The following CDH18 variants were observed in gnomAD, a reference collection of about 807,000 sequenced individuals.
The protein encoded by CDH18 is cadherin 18, also known as cadherin-18.
In CDH18, 31 loss-of-function variants were observed where a neutral mutation model predicts 67.9. The ratio of observed to expected loss-of-function variants is 0.46; its 90% CI spans 0.34 to 0.62. The LOEUF (loss-of-function observed/expected upper bound fraction) is 0.62, where lower values mean the gene tolerates loss of function less well. CDH18 is among the 20% of genes least tolerant of loss of function. The pLI is 0.01. For missense variants in CDH18, 890 were observed against 975.5 expected, an observed-to-expected ratio of 0.91 and a Z score of 1.17; for synonymous variants, 362 against 347.2, an observed-to-expected ratio of 1.04 and a Z score of -0.48.
chr5:20,323,626 G>A (rs933527320), intron 1 of CDH18, among the ~76,000 whole-genome samples: 9 of 152,108 alleles, frequency 5.9e-5, no homozygotes, highest in African/African-American at 2.2e-4. Context: ...GTGGCTTTCT[G>A]GTATACATCA....
chr5:20,123,813 G>A (rs1047494151), intron 2 of CDH18, among the ~76,000 whole-genome samples: 3 of 150,932 alleles, frequency 2.0e-5, no homozygotes, highest in African/African-American at 4.9e-5. Flanking sequence ...GCATGAACCC[G>A]GAGGCGGAGC....
At chr5:20,260,834 A>C (rs913969808) in intron 1 of CDH18, among the ~76,000 whole-genome samples, 2 of 152,198 alleles carry the variant, frequency 1.3e-5, no homozygotes, top group African/African-American at 2.4e-5. Context: ...GCTAATAGCC[A>C]GCAGAAGATG....
chr5:20,336,809 G>A (rs1472920503), intron 1 of CDH18, among the ~76,000 whole-genome samples: 1 of 147,820 alleles, frequency 6.8e-6, no homozygotes, highest in South Asian at 2.2e-4. Context: ...TAACTTAGGT[G>A]CAGCCACAAT....
intron 3 of CDH18, among the ~76,000 whole-genome samples, chr5:19,804,311 A>AT (rs200413815): frequency 0.085 from 12,788 of 151,236 alleles, 558 homozygotes; most frequent in African/African-American, 0.095. Flanking sequence ...CAAAAAAAAA[A>AT]AAATAAATAA....
rs1000185451 is a variant in CDH18 at position 19,831,133 on chromosome 5, G to C, written c.228+7626C>G. ...GAAATAATCTGTACAATAAACCCAT[G>C]TGACACACAATTTACCTATATAACA... On this transcript the variant is annotated intron_variant, in intron 3 of 12. Transcript: ENST00000382275. Among the ~76,000 whole-genome samples the C allele has an allele frequency of 3.3e-5, 5 of 152,026 alleles. No homozygotes were observed. In the South Asian group the frequency reaches 1.0e-3, roughly 31 times the overall value.
rs1794023338 is a variant in CDH18 at position 19,934,416 on chromosome 5, T to C, written c.-257+46644A>G. Among the ~76,000 whole-genome samples the C allele has an allele frequency of 4.6e-5, 7 of 151,300 alleles. No homozygotes were observed. In the South Asian group the frequency reaches 1.2e-3, roughly 27 times the overall value. Reference sequence around the variant, plus strand: ...CAACCCAGTGGGCTCTCATTCTACCTTTCCTAAATGTTTCTGTTATATTTA... The same window carrying C: ...CAACCCAGTGGGCTCTCATTCTACCCTTCCTAAATGTTTCTGTTATATTTA... On this transcript the variant is annotated intron_variant, in intron 2 of 12. Transcript: ENST00000382275.
At chr5:19,797,883 T>C (rs1241949344) in intron 3 of CDH18, among the ~76,000 whole-genome samples, 1 of 152,004 alleles carries the variant, frequency 6.6e-6, no homozygotes, top group Non-Finnish European at 1.5e-5. Context: ...ACACTCTTGA[T>C]GAGGAAGAAA....
intron 9 of CDH18, among the ~76,000 whole-genome samples, chr5:19,529,660 T>C (rs1212383494): frequency 6.6e-6 from 1 of 152,118 alleles, no homozygotes. Flanking sequence ...GGTATTTACA[T>C]ATATTTCTAT....
chr5:19,517,419 A>G (rs1746204553), intron 10 of CDH18, among the ~76,000 whole-genome samples: 1 of 152,058 alleles, frequency 6.6e-6, no homozygotes, highest in African/African-American at 2.4e-5. Context: ...AGACTTTTTC[A>G]AAGAGCATCT....
At chr5:20,474,601 G>A (rs1752309480) in intron 1 of CDH18, among the ~76,000 whole-genome samples, 1 of 151,946 alleles carries the variant, frequency 6.6e-6, no homozygotes, top group Non-Finnish European at 1.5e-5. Context: ...ATGAAAAGTT[G>A]ACCTGCAGAG....
intron 1 of CDH18, among the ~76,000 whole-genome samples, chr5:20,377,177 C>A (rs1015293621): frequency 6.6e-6 from 1 of 152,004 alleles, no homozygotes; most frequent in Non-Finnish European, 1.5e-5. Flanking sequence ...CATTTGTCTG[C>A]CAATAGAATT....
intron 2 of CDH18, among the ~76,000 whole-genome samples, chr5:19,910,242 T>C (rs998513246): frequency 1.3e-5 from 2 of 152,208 alleles, no homozygotes; most frequent in African/African-American, 2.4e-5. Flanking sequence ...TATATTCTAG[T>C]GAACTAGAGC....
At chr5:19,871,834 A>T (rs990109021) in intron 2 of CDH18, among the ~76,000 whole-genome samples, 2 of 152,196 alleles carry the variant, frequency 1.3e-5, no homozygotes, top group Non-Finnish European at 2.9e-5. Context: ...GCAAGAACAC[A>T]GCAATTATAG....
At chr5:19,748,132 A>AAAAG in intron 3 of CDH18, among the ~76,000 whole-genome samples, 1 of 144,424 alleles carries the variant, frequency 6.9e-6, no homozygotes, top group African/African-American at 2.5e-5. Context: ...AAAAAAAAAA[A>AAAAG]AGAGTACTTT....
intron 10 of CDH18, among the ~76,000 whole-genome samples, chr5:19,520,340 A>C (rs1746699229): frequency 2.6e-5 from 4 of 152,198 alleles, no homozygotes; most frequent in Non-Finnish European, 1.5e-5. Flanking sequence ...AACCTCATTA[A>C]GAGAGAAACG....
intron 1 of CDH18, among the ~76,000 whole-genome samples, chr5:20,297,713 G>A (rs751559025): frequency 1.3e-4 from 20 of 152,052 alleles, no homozygotes; most frequent in Non-Finnish European, 2.8e-4. Flanking sequence ...TATAAGCAAC[G>A]GCAAAGCACA....
intron 5 of CDH18, among the ~76,000 whole-genome samples, chr5:19,631,510 G>A (rs1752410669): frequency 6.6e-6 from 1 of 151,974 alleles, no homozygotes; most frequent in Non-Finnish European, 1.5e-5. Flanking sequence ...TAACCAAACA[G>A]TTGGCAAATT....
At position 20,304,781 on chromosome 5, in the gene CDH18, G is replaced by A; in HGVS notation, c.-579-49276C>T. On this transcript the variant is annotated intron_variant, in intron 1 of 14. Transcript: ENST00000507958. ...TGCTGTAATTTTGTTGAGCCAACAAGGGAAGGAGACCGTGTTTCAGCCGCA... is the reference window on the plus strand; with the variant it reads ...TGCTGTAATTTTGTTGAGCCAACAAAGGAAGGAGACCGTGTTTCAGCCGCA... 6.8e-6 allele frequency: 11 copies of A among 1,610,938 alleles called. No individual in the cohort carries two copies. In the South Asian group the frequency reaches 7.7e-5, roughly 11 times the overall value.
At chr5:19,641,440 T>C (rs1033752595) in intron 5 of CDH18, among the ~76,000 whole-genome samples, 1 of 151,986 alleles carries the variant, frequency 6.6e-6, no homozygotes, top group Non-Finnish European at 1.5e-5. Flanking sequence ...CAAACGTCTT[T>C]AATAAAATGC....
Sources: allele counts gnomAD v4.1 joint callset (sites outside exome capture counted in the v4.1 genomes callset), GRCh38; gene constraint gnomAD v4.1.1; transcripts MANE v1.5; gene names NCBI Gene and HGNC (gene_info 2026-07-23, HGNC 2026-07-21).